TNNC1: variants seen among roughly 807,000 people sequenced by gnomAD.
TNNC1 encodes the protein troponin C1, slow skeletal and cardiac type, also known as troponin C, slow skeletal and cardiac muscles.
A neutral mutation model predicts 19.6 loss-of-function variants in TNNC1; 10 were observed. The ratio of observed to expected loss-of-function variants is 0.51; its 90% CI spans 0.31 to 0.87. The LOEUF (loss-of-function observed/expected upper bound fraction) is 0.87. TNNC1 is among the 40% of genes least tolerant of loss of function. TNNC1 has a pLI of 0.04. For synonymous variants in TNNC1, 85 were observed against 80.1 expected, an observed-to-expected ratio of 1.06 and a Z score of -0.33; for missense variants, 115 against 219.8, an observed-to-expected ratio of 0.52 and a Z score of 3.02.
intron 1 of TNNC1, among the ~76,000 whole-genome samples, chr3:52,453,334 G>A (rs905754273): frequency 2.0e-5 from 3 of 152,160 alleles, no homozygotes; most frequent in African/African-American, 2.4e-5. Context: ...TCATTCCCTC[G>A]CTCTCACCCC....
In TNNC1 at chr3:52,452,461, CAT is replaced by C. The variant is rs1031516432; in HGVS notation, c.55+20_55+21del. ...CCAGCCTGGACCCGCTGGTCTCCCA[CAT>C]GTGTGATAGGGATTCTCACCATTTT... is the stretch of plus-strand genomic sequence containing the variant. On this transcript the variant is annotated intron_variant, in intron 2 of 5. Transcript: ENST00000232975. This position sits in a 1 kb window ranked among gnomAD's most constrained non-coding sequence, Gnocchi z 5.2. 1.1e-5 allele frequency: 18 copies of C among 1,612,696 alleles called. No homozygotes were observed. Among genetic ancestry groups the C allele is most frequent in the Non-Finnish European group, 1.4e-5 (17 of 1,179,474 alleles).
Position 52,451,999 on chromosome 3 carries a change from G to A in TNNC1, c.202+107C>T, listed in dbSNP as rs1331981192. The A allele has an allele frequency of 6.3e-7, 1 of 1,584,270 alleles. No homozygotes were observed. The highest frequency in any genetic ancestry group is 8.7e-7 in the Non-Finnish European group (1 of 1,156,054). ...GCCCTTATGCCCATTTTATAGATGA[G>A]GCAACCAAGGCTCGGATAGGCTAAA... is the stretch of plus-strand genomic sequence containing the variant. On this transcript the variant is annotated intron_variant, in intron 3 of 5. Coordinates refer to ENST00000232975, the MANE Select transcript of TNNC1 (RefSeq NM_003280.3). This position sits in a 1 kb window ranked among gnomAD's most constrained non-coding sequence, Gnocchi z 4.8.
At position 52,452,028 on chromosome 3, in the gene TNNC1, C is replaced by T. The variant is rs546172703; in HGVS notation, c.202+78G>A. On this transcript the variant is annotated intron_variant, in intron 3 of 5. Transcript: ENST00000232975. The surrounding 1 kb of genome is among the most constrained non-coding windows in gnomAD (Gnocchi z 5.2). ...ACCAAGGCTCGGATAGGCTAAATTG[C>T]TCCCAGCTAAACAGAGCCAGCATTC... 960 of 1,608,544 alleles carry T rather than the reference C, an allele frequency of 6.0e-4. 1 individual carries two copies. Among genetic ancestry groups the T allele is most frequent in the Non-Finnish European group, 6.9e-4 (808 of 1,176,440 alleles).
In TNNC1 at chr3:52,452,139, G is replaced by A. The variant is rs2153229961; in HGVS notation, c.169C>T (p.Leu57=). ...MLGQNPTPEE[L]QEMIDEVDED... is the part of the protein sequence containing the mutation. ...TCCACCTCATCGATCATCTCCTGCA[G>A]CTCCTCAGGGGTGGGGTTCTGGCCC... The change falls in exon 3 of 6, where the codon CTG becomes TTG. Residue 57 remains leucine (L), a synonymous_variant. Transcript: ENST00000232975. The surrounding 1 kb of genome is among the most constrained non-coding windows in gnomAD (Gnocchi z 5.2). 2 of 1,613,990 alleles carry A rather than the reference G, an allele frequency of 1.2e-6. No individual in the cohort carries two copies. Among genetic ancestry groups the A allele is most frequent in the Non-Finnish European group, 1.7e-6 (2 of 1,180,034 alleles).
chr3:52,451,585 T>C lies in TNNC1; in HGVS notation c.318-58A>G, dbSNP rs1706328797. On this transcript the variant is annotated intron_variant, in intron 4 of 5. Transcript: ENST00000232975. The surrounding 1 kb of genome is among the most constrained non-coding windows in gnomAD (Gnocchi z 4.8). ...GGAGGGCATGAGGCAGCCCCACCCA[T>C]GCCCCAGGAGGCAGAGCAGGGACAC... 2.5e-6 allele frequency: 4 copies of C among 1,611,034 alleles called. No individual in the cohort carries two copies. Among genetic ancestry groups the C allele is most frequent in the South Asian group, 2.2e-5 (2 of 90,996 alleles).
In TNNC1 at chr3:52,452,741, G is replaced by A. The variant is rs1013484431; in HGVS notation, c.25-228C>T. Reference sequence around the variant, plus strand: ...GGTGACAGGTGGGCACCCCCTTCAGGACCAAGGTGACCCTCAGTAACAATA... The same window carrying A: ...GGTGACAGGTGGGCACCCCCTTCAGAACCAAGGTGACCCTCAGTAACAATA... On this transcript the variant is annotated intron_variant, in intron 1 of 5. Transcript: ENST00000232975. The surrounding 1 kb of genome is among the most constrained non-coding windows in gnomAD (Gnocchi z 5.2). 7 of 609,464 alleles carry A rather than the reference G, an allele frequency of 1.1e-5. No individual in the cohort carries two copies. The highest frequency in any genetic ancestry group is 3.7e-5 in the African/African-American group (2 of 54,248). 37.8% of individuals were successfully genotyped at this position (609,464 alleles called of 1,614,324 possible). A position where few individuals can be genotyped will look rare whatever the true frequency, so the allele number is the denominator to read the frequency against.
Position 52,451,156 on chromosome 3 carries a change from G to T in TNNC1, c.*119C>A, listed in dbSNP as rs888986065. 4.8e-5 allele frequency: 56 copies of T among 1,174,208 alleles called. No individual in the cohort carries two copies. The highest frequency in any genetic ancestry group is 6.6e-5 in the Non-Finnish European group (52 of 791,962). 72.7% of individuals were successfully genotyped at this position (1,174,208 alleles called of 1,614,324 possible). On this transcript the variant is annotated 3_prime_UTR_variant, in exon 6 of 6. Coordinates refer to ENST00000232975, the MANE Select transcript of TNNC1 (RefSeq NM_003280.3). This position sits in a 1 kb window ranked among gnomAD's most constrained non-coding sequence, Gnocchi z 4.8. ...GGACAGATCTGGGGAGGGAGTCGGG[G>T]GATTTGGGGTTGAGGACATGGCCAG... is the stretch of plus-strand genomic sequence containing the variant.
In TNNC1 at chr3:52,452,096, G is replaced by C. The variant is rs766106971; in HGVS notation, c.202+10C>G. 1.2e-6 allele frequency: 2 copies of C among 1,613,762 alleles called. No homozygotes were observed. Among genetic ancestry groups the C allele is most frequent in the Non-Finnish European group, 1.7e-6 (2 of 1,180,012 alleles). On this transcript the variant is annotated intron_variant, in intron 3 of 5. Transcript: ENST00000232975. This position sits in a 1 kb window ranked among gnomAD's most constrained non-coding sequence, Gnocchi z 5.2. ...GGGTTCTTCTGGAGCCTGGGGAGGAGGGGGCTCACCGTCCTCGTCCACCTC... is the reference window on the plus strand; with the variant it reads ...GGGTTCTTCTGGAGCCTGGGGAGGACGGGGCTCACCGTCCTCGTCCACCTC...
In TNNC1 at chr3:52,451,954, C is replaced by A; in HGVS notation, c.203-96G>T. 1 of 1,541,186 alleles carries A rather than the reference C, an allele frequency of 6.5e-7. No homozygotes were observed. The highest frequency in any genetic ancestry group is 9.0e-7 in the Non-Finnish European group (1 of 1,116,824). On this transcript the variant is annotated intron_variant, in intron 3 of 5. Transcript: ENST00000232975. This position sits in a 1 kb window ranked among gnomAD's most constrained non-coding sequence, Gnocchi z 4.8. Reference sequence around the variant, plus strand: ...CCCATGTTCTCACCGCATCCTCACACCAAACGCCAGGCTTGTGTAGCCCTT... The same window carrying A: ...CCCATGTTCTCACCGCATCCTCACAACAAACGCCAGGCTTGTGTAGCCCTT...
chr3:52,454,024 C>T lies in TNNC1; in HGVS notation c.-9G>A. ...TTGTAGATGTCATCCATGCTGGCGG[C>T]TCACAGGACAGCTTGCTGGGGTTGC... is the stretch of plus-strand genomic sequence containing the variant. On this transcript the variant is annotated 5_prime_UTR_variant, in exon 1 of 6. Transcript: ENST00000232975. The T allele has an allele frequency of 1.3e-6, 2 of 1,576,230 alleles. No homozygotes were observed. Among genetic ancestry groups the T allele is most frequent in the Non-Finnish European group, 1.7e-6 (2 of 1,159,428 alleles).
chr3:52,452,721 C>T lies in TNNC1; in HGVS notation c.25-208G>A. The stretch of plus-strand genomic sequence containing the variant: ...GCGACTGGGCTCAGGGCCAGGGTGA[C>T]AGGTGGGCACCCCCTTCAGGACCAA... On this transcript the variant is annotated intron_variant, in intron 1 of 5. Coordinates refer to ENST00000232975, the MANE Select transcript of TNNC1 (RefSeq NM_003280.3). The surrounding 1 kb of genome is among the most constrained non-coding windows in gnomAD (Gnocchi z 5.2). The T allele has an allele frequency of 1.6e-6, 1 of 636,630 alleles. No homozygotes were observed. The highest frequency in any genetic ancestry group is 1.8e-5 in the South Asian group (1 of 55,752). 39.4% of individuals were successfully genotyped at this position (636,630 alleles called of 1,614,324 possible).
Position 52,452,687 on chromosome 3 carries a change from G to T in TNNC1, c.25-174C>A. ...CCCAAAGCCCTGACGTGACCCAGCT[G>T]GCCTCACTGCGACTGGGCTCAGGGC... is the stretch of plus-strand genomic sequence containing the variant. On this transcript the variant is annotated intron_variant, in intron 1 of 5. Coordinates refer to ENST00000232975, the MANE Select transcript of TNNC1 (RefSeq NM_003280.3). The surrounding 1 kb of genome is among the most constrained non-coding windows in gnomAD (Gnocchi z 5.2). 1 of 734,576 alleles carries T rather than the reference G, an allele frequency of 1.4e-6. No individual in the cohort carries two copies. 45.5% of individuals were successfully genotyped at this position (734,576 alleles called of 1,614,324 possible).
Position 52,451,239 on chromosome 3 carries a change from G to T in TNNC1, c.*36C>A. ...ACCCCAGGACTCAGCTGGAGTTGGA[G>T]GCTGGGCATAGGCAGCTCTGGGTGA... On this transcript the variant is annotated 3_prime_UTR_variant, in exon 6 of 6. Coordinates refer to ENST00000232975, the MANE Select transcript of TNNC1 (RefSeq NM_003280.3). The surrounding 1 kb of genome is among the most constrained non-coding windows in gnomAD (Gnocchi z 4.8). 1 of 1,613,864 alleles carries T rather than the reference G, an allele frequency of 6.2e-7. No homozygotes were observed. The highest frequency in any genetic ancestry group is 2.2e-5 in the East Asian group (1 of 44,880).
rs771901156 is a variant in TNNC1, at chr3:52,452,698, G to A, written c.25-185C>T. 3.1e-4 allele frequency: 216 copies of A among 694,634 alleles called. 1 individual carries two copies. The highest frequency in any genetic ancestry group is 1.4e-3 in the Middle Eastern group (4 of 2,918). 43.0% of individuals were successfully genotyped at this position (694,634 alleles called of 1,614,324 possible). On this transcript the variant is annotated intron_variant, in intron 1 of 5. Coordinates refer to ENST00000232975, the MANE Select transcript of TNNC1 (RefSeq NM_003280.3). This position sits in a 1 kb window ranked among gnomAD's most constrained non-coding sequence, Gnocchi z 5.2. ...GACGTGACCCAGCTGGCCTCACTGC[G>A]ACTGGGCTCAGGGCCAGGGTGACAG...
Position 52,452,161 on chromosome 3 carries a change from G to A in TNNC1, c.147C>T (p.Gly49=). 1 of 1,613,982 alleles carries A rather than the reference G, an allele frequency of 6.2e-7. No individual in the cohort carries two copies. Among genetic ancestry groups the A allele is most frequent in the Non-Finnish European group, 8.5e-7 (1 of 1,180,018 alleles). The change falls in exon 3 of 6, where the codon GGC becomes GGT. Residue 49 remains glycine (G), a synonymous_variant. Coordinates refer to ENST00000232975, the MANE Select transcript of TNNC1 (RefSeq NM_003280.3). This position sits in a 1 kb window ranked among gnomAD's most constrained non-coding sequence, Gnocchi z 5.2. ...KELGKVMRML[G]QNPTPEELQE... is the part of the protein sequence containing the mutation. Reference sequence around the variant, plus strand: ...GCAGCTCCTCAGGGGTGGGGTTCTGGCCCAGCATCCTCATCACCTTGCCCA... The same window carrying A: ...GCAGCTCCTCAGGGGTGGGGTTCTGACCCAGCATCCTCATCACCTTGCCCA...
chr3:52,451,762 A>G lies in TNNC1; in HGVS notation c.299T>C (p.Leu100Pro). Residue 100 changes from leucine (L) to proline (P), a missense_variant, in exon 4 of 6, where the codon CTC (leucine) becomes CCC (proline). Physicochemically the swap from Leu to Pro is moderately conservative, Grantham distance 98 (BLOSUM62 -3). This residue lies in a region of TNNC1 where 96 missense variants were observed against 114.2 expected (regional missense o/e 0.84). Transcript: ENST00000232975. The surrounding 1 kb of genome is among the most constrained non-coding windows in gnomAD (Gnocchi z 4.8). ...TGCTCACTTGTCAAACATGCGGAAG[A>G]GGTCAGACAGCTCCTCCTCAGATTT... Reference protein sequence around the residue: ...KGKSEEELSDLFRMFDKNADG... With the variant: ...KGKSEEELSDPFRMFDKNADG... The G allele has an allele frequency of 1.2e-6, 2 of 1,614,092 alleles. No individual in the cohort carries two copies. The highest frequency in any genetic ancestry group is 1.1e-5 in the South Asian group (1 of 91,084).
chr3:52,453,924 C>G (rs552560997), intron 1 of TNNC1, 68 bp downstream of exon 1: 3 of 1,541,420 alleles, frequency 1.9e-6, no homozygotes, highest in East Asian at 2.4e-5. Flanking sequence ...CTACTAACCC[C>G]GCACTCTCAG....
chr3:52,453,625 G>A (rs1706361279), intron 1 of TNNC1, among the ~76,000 whole-genome samples: 1 of 152,198 alleles, frequency 6.6e-6, no homozygotes, highest in African/African-American at 2.4e-5. Context: ...GGGACAGGGA[G>A]ACAGTAATGG....
Position 52,452,227 on chromosome 3 carries a change from G to A in TNNC1, c.81C>T (p.Phe27=), listed in dbSNP as rs756483143. 19 of 1,613,202 alleles carry A rather than the reference G, an allele frequency of 1.2e-5. No homozygotes were observed. Among genetic ancestry groups the A allele is most frequent in the African/African-American group, 4.0e-5 (3 of 74,924 alleles). ...KNEFKAAFDI[F]VLGAEDGCIS... ...TGCAGCCATCCTCAGCGCCCAGCAC[G>A]AAGATGTCGAAGGCTGCCTTGAACT... Residue 27 remains phenylalanine, a synonymous_variant, in exon 3 of 6, where the codon TTC becomes TTT. Transcript: ENST00000232975. The surrounding 1 kb of genome is among the most constrained non-coding windows in gnomAD (Gnocchi z 5.2).
Sources: allele counts gnomAD v4.1 joint callset (sites outside exome capture counted in the v4.1 genomes callset), GRCh38; gene constraint gnomAD v4.1.1; regional missense constraint gnomAD v4.1.1; non-coding constraint Gnocchi (gnomAD v3.1); transcripts MANE v1.5; gene names NCBI Gene and HGNC (gene_info 2026-07-23, HGNC 2026-07-21).